TACC3: variants seen among roughly 807,000 people sequenced by gnomAD.
The protein encoded by TACC3 is transforming acidic coiled-coil-containing protein 3.
TACC3 carries 52 observed loss-of-function variants against 86.0 expected under a neutral mutation model. The ratio of observed to expected loss-of-function variants is 0.60; its 90% CI spans 0.48 to 0.76. TACC3 has a LOEUF of 0.76. TACC3 is among the 30% of genes least tolerant of loss of function. TACC3 has a pLI of 0.00. For synonymous variants in TACC3, 512 were observed against 430.0 expected (o/e 1.19, Z -2.36); for missense variants, 1,120 against 1,070.4 (o/e 1.05, Z -0.65).
At chr4:1,734,203 C>T (rs55895920) in intron 6 of TACC3, among the ~76,000 whole-genome samples, 116,247 of 151,952 alleles carry the variant, frequency 0.77, 44,680 homozygotes, top group East Asian at 0.86. Context: ...TTGTTTTTTT[C>T]CCGAGACGGA....
chr4:1,737,798 C>T (rs917347001), intron 10 of TACC3, 96 bp downstream of exon 10: 30 of 457,734 alleles, frequency 6.6e-5, no homozygotes, highest in Non-Finnish European at 8.9e-5. Flanking sequence ...ACCCGCCATC[C>T]CTGCCATCCC....
intron 1 of TACC3, among the ~76,000 whole-genome samples, chr4:1,722,917 C>T (rs539083746): frequency 1.3e-5 from 2 of 152,110 alleles, no homozygotes; most frequent in Non-Finnish European, 2.9e-5. Flanking sequence ...GGTCTTGTCC[C>T]GCTGCCTAGC....
rs186850888 is a variant in TACC3 at position 1,731,154 on chromosome 4, C to T, written c.1462-18C>T. On this transcript the variant is annotated intron_variant, in intron 5 of 15. Transcript: ENST00000313288. ...ACCTTGACTGCACTGCACAGGGTGACTCTGCCCTTTCCTCCAGGAGAGAGC... is the reference window on the plus strand; with the variant it reads ...ACCTTGACTGCACTGCACAGGGTGATTCTGCCCTTTCCTCCAGGAGAGAGC... 350 of 1,613,068 alleles carry T rather than the reference C, an allele frequency of 2.2e-4. 3 individuals carry two copies. In the East Asian group the frequency reaches 7.7e-3, roughly 35 times the overall value.
In TACC3 at chr4:1,735,209, C is replaced by T. The variant is rs1213233620; in HGVS notation, c.1592-64C>T. Reference sequence around the variant, plus strand: ...GCCTCACTGAGTGCTGAGGGAGACACCAGCCCGCCGCCCTTAGGGCCCTGG... The same window carrying T: ...GCCTCACTGAGTGCTGAGGGAGACATCAGCCCGCCGCCCTTAGGGCCCTGG... On this transcript the variant is annotated intron_variant, in intron 6 of 15. Transcript: ENST00000313288. The surrounding 1 kb of genome is among the most constrained non-coding windows in gnomAD (Gnocchi z 4.2). 2 of 1,603,088 alleles carry T rather than the reference C, an allele frequency of 1.2e-6. No homozygotes were observed. Among genetic ancestry groups the T allele is most frequent in the Non-Finnish European group, 1.7e-6 (2 of 1,171,360 alleles).
chr4:1,725,479 C>T (rs1665364), intron 3 of TACC3, among the ~76,000 whole-genome samples: 108,279 of 152,036 alleles, frequency 0.71, 39,741 homozygotes, highest in East Asian at 0.86. Context: ...TCAAACGAAG[C>T]GAGAATGAAT....
chr4:1,720,760 G>A (rs114397142), upstream of TACC3: 151 of 1,588,498 alleles, frequency 9.5e-5, no homozygotes, highest in African/African-American at 1.7e-3. This position sits in a 1 kb window ranked among gnomAD's most constrained non-coding sequence, Gnocchi z 4.4. Flanking sequence ...CCGCCGCGTG[G>A]AACTCGTTGG....
rs901607365 is a variant in TACC3, at chr4:1,728,123, G to T, written c.721G>T (p.Val241Phe). ...CGAGGAGGAATGCCGGCACGGTGGG[G>T]TCTGTGCTCCCGCAGCAGTGGCCAC... ...GAEEECRHGG[V>F]CAPAAVATSP... The change falls in exon 4 of 16, where the codon GTC (valine) becomes TTC (phenylalanine). Residue 241 changes from valine to phenylalanine, a missense_variant. Transcript: ENST00000313288. 6.2e-7 allele frequency: 1 copy of T among 1,612,188 alleles called. No homozygotes were observed. Among genetic ancestry groups the T allele is most frequent in the South Asian group, 1.1e-5 (1 of 91,020 alleles).
rs958046998 is a variant in TACC3 at position 1,744,738 on chromosome 4, G to A, written c.2357G>A (p.Arg786Gln). The A allele has an allele frequency of 2.5e-5, 41 of 1,612,480 alleles. No individual in the cohort carries two copies. The highest frequency in any genetic ancestry group is 7.7e-5 in the South Asian group (7 of 91,078). ...QLANEEIAQVRSKAQAEALAL... is the reference protein window; with the variant it reads ...QLANEEIAQVQSKAQAEALAL... Reference sequence around the variant, plus strand: ...GCAAACGAGGAGATCGCCCAGGTCCGGAGCAAGGCCCAGGCGGAAGCGTTG... The same window carrying A: ...GCAAACGAGGAGATCGCCCAGGTCCAGAGCAAGGCCCAGGCGGAAGCGTTG... The change falls in exon 15 of 16, where the codon CGG becomes CAG. Residue 786 changes from arginine (R) to glutamine (Q), a missense_variant. By Grantham distance (43) the Arg-to-Gln change is conservative (BLOSUM62 1). Coordinates refer to ENST00000313288, the MANE Select transcript of TACC3 (RefSeq NM_006342.3).
chr4:1,738,360 T>G (rs1434737676), intron 10 of TACC3: 1 of 190,224 alleles, frequency 5.3e-6, no homozygotes, highest in Non-Finnish European at 1.1e-5. Flanking sequence ...GCCCCAGGTG[T>G]CATCTCCGCA....
intron 3 of TACC3, among the ~76,000 whole-genome samples, chr4:1,726,380 TG>T (rs1044344325): frequency 6.6e-6 from 1 of 152,084 alleles, no homozygotes; most frequent in African/African-American, 2.4e-5. Flanking sequence ...GTCCCCGACT[TG>T]AAGGGGAAAG....
chr4:1,740,212 C>T, intron 12 of TACC3: 2 of 600,862 alleles, frequency 3.3e-6, no homozygotes, highest in Non-Finnish European at 5.9e-6. Flanking sequence ...CCCACGGAGC[C>T]AGGGCTTGGC....
intron 1 of TACC3, among the ~76,000 whole-genome samples, chr4:1,722,850 TC>T (rs962636867): frequency 1.3e-5 from 2 of 152,148 alleles, no homozygotes; most frequent in African/African-American, 4.8e-5. Flanking sequence ...GCTCTGGGCT[TC>T]CCTTGTTTGC....
Position 1,740,921 on chromosome 4 carries a change from A to C in TACC3, c.2158A>C (p.Lys720Gln), listed in dbSNP as rs772288743. 3 of 1,613,042 alleles carry C rather than the reference A, an allele frequency of 1.9e-6. No homozygotes were observed. Among genetic ancestry groups the C allele is most frequent in the Non-Finnish European group, 2.5e-6 (3 of 1,179,880 alleles). ...QLTTDLNSME[K>Q]SFSDLFKRFE... is the part of the protein sequence containing the mutation. ...TACCACAGATCTGAACTCCATGGAG[A>C]AGTCCTTCTCCGACCTCTTCAAGCG... Residue 720 changes from lysine to glutamine, a missense_variant, in exon 13 of 16, where the codon AAG (lysine) becomes CAG (glutamine). Transcript: ENST00000313288.
In TACC3 at chr4:1,740,971, C is replaced by G. The variant is rs756707064; in HGVS notation, c.2208C>G (p.Ile736Met). Residue 736 changes from isoleucine (I) to methionine (M), a missense_variant, in exon 13 of 16, where the codon ATC becomes ATG. Coordinates refer to ENST00000313288, the MANE Select transcript of TACC3 (RefSeq NM_006342.3). ...GTTTTGAGAAACAGAAAGAGGTGAT[C>G]GAGGGCTACCGCAAGGTATGTCTCC... is the stretch of plus-strand genomic sequence containing the variant. ...FKRFEKQKEV[I>M]EGYRKNEESL... 8.7e-6 allele frequency: 14 copies of G among 1,607,170 alleles called. No individual in the cohort carries two copies. In the South Asian group the frequency reaches 1.1e-4, roughly 13 times the overall value.
At position 1,735,459 on chromosome 4, in the gene TACC3, T is replaced by A; in HGVS notation, c.1644+134T>A. The A allele has an allele frequency of 9.3e-7, 1 of 1,070,446 alleles. No individual in the cohort carries two copies. Among genetic ancestry groups the A allele is most frequent in the Non-Finnish European group, 1.4e-6 (1 of 719,618 alleles). 66.3% of individuals were successfully genotyped at this position (1,070,446 alleles called of 1,614,324 possible). On this transcript the variant is annotated intron_variant, in intron 7 of 15. Transcript: ENST00000313288. This position sits in a 1 kb window ranked among gnomAD's most constrained non-coding sequence, Gnocchi z 4.2. The stretch of plus-strand genomic sequence containing the variant: ...CACAGGCCCAGGCATTGTGGCGGGC[T>A]GTGAATCCAGGGCCCCTTCTGCAGC...
At position 1,727,972 on chromosome 4, in the gene TACC3, C is replaced by T. The variant is rs1199715367; in HGVS notation, c.570C>T (p.Ser190=). The change falls in exon 4 of 16, where the codon TCC becomes TCT. Residue 190 remains serine, a synonymous_variant. Coordinates refer to ENST00000313288, the MANE Select transcript of TACC3 (RefSeq NM_006342.3). ...QAVEENLSSY[S]LDRRVTPASE... is the part of the protein sequence containing the mutation. ...TGGAGGAAAACCTTAGTTCCTATTC[C>T]TTAGACAGAAGAGTGACACCCGCCT... is the stretch of plus-strand genomic sequence containing the variant. The T allele has an allele frequency of 1.2e-6, 2 of 1,613,332 alleles. No homozygotes were observed. Among genetic ancestry groups the T allele is most frequent in the African/African-American group, 2.7e-5 (2 of 74,942 alleles).
intron 9 of TACC3, 121 bp from the exon 10 acceptor site, chr4:1,737,475 GTC>G (rs1718335739): frequency 2.8e-6 from 3 of 1,090,800 alleles, no homozygotes; most frequent in Non-Finnish European, 4.0e-6. Flanking sequence ...TCGCCGCACT[GTC>G]TCGGGTCCCT....
At chr4:1,731,382 A>G (rs1405561742) in intron 6 of TACC3, 81 bp downstream of exon 6, 62 of 1,510,376 alleles carry the variant, frequency 4.1e-5, no homozygotes, top group Non-Finnish European at 5.4e-5. Flanking sequence ...AGACACCTGC[A>G]TCATCGGCAG....
chr4:1,726,909 C>A (rs1717716056), intron 3 of TACC3, among the ~76,000 whole-genome samples: 1 of 152,048 alleles, frequency 6.6e-6, no homozygotes, highest in African/African-American at 2.4e-5. Context: ...GGTGGATCAC[C>A]TAAGGTCAGG....
Sources: gnomAD v4.1 joint callset for allele counts (sites outside exome capture counted in the v4.1 genomes callset) on GRCh38, gnomAD v4.1.1 for gene constraint, Gnocchi (gnomAD v3.1) non-coding constraint, MANE v1.5 for transcripts, NCBI Gene and HGNC (gene_info 2026-07-23, HGNC 2026-07-21) for gene names.